The following ASAP2 variants were observed in gnomAD, a reference collection of about 807,000 sequenced individuals.
The protein encoded by ASAP2 is arf-GAP with SH3 domain, ANK repeat and PH domain-containing protein 2.
Under a neutral mutation model 131.4 loss-of-function variants are expected in ASAP2, and 45 were observed. The ratio of observed to expected loss-of-function variants is 0.34; its 90% CI spans 0.27 to 0.44. The LOEUF (loss-of-function observed/expected upper bound fraction) is 0.44, where lower values mean the gene tolerates loss of function less well. Ranked by LOEUF, ASAP2 falls within the 20% of genes least tolerant of loss-of-function variation. ASAP2 has a pLI of 1.00. For synonymous variants in ASAP2, 510 were observed against 503.0 expected (o/e 1.01, Z -0.19); for missense variants, 1,011 against 1,297.0 (o/e 0.78, Z 3.39).
At chr2:9,372,450 C>T (rs1674054327) in intron 16 of ASAP2, among the ~76,000 whole-genome samples, 1 of 152,168 alleles carries the variant, frequency 6.6e-6, no homozygotes, top group South Asian at 2.1e-4. Context: ...TTCTGGAAAC[C>T]TGTGACTTTA....
chr2:9,317,418 TCACA>T (rs765777604), intron 3 of ASAP2, among the ~76,000 whole-genome samples: 5 of 121,866 alleles, frequency 4.1e-5, no homozygotes, highest in Non-Finnish European at 8.3e-5. Flanking sequence ...ACATGCTCCC[TCACA>T]CACCTACACA....
chr2:9,210,029 A>G (rs144841699), intron 1 of ASAP2, among the ~76,000 whole-genome samples: 12 of 152,340 alleles, frequency 7.9e-5, no homozygotes, highest in African/African-American at 2.9e-4. Flanking sequence ...ATCCTGTACT[A>G]TGAAACTCAC....
chr2:9,317,588 ACAAT>A (rs1669846896), intron 3 of ASAP2, among the ~76,000 whole-genome samples: 1 of 146,668 alleles, frequency 6.8e-6, no homozygotes, highest in Non-Finnish European at 1.5e-5. Flanking sequence ...ACACCCGTAC[ACAAT>A]CACATTCACG....
intron 1 of ASAP2, among the ~76,000 whole-genome samples, chr2:9,239,663 T>C (rs1367624586): frequency 6.6e-6 from 1 of 152,178 alleles, no homozygotes; most frequent in Non-Finnish European, 1.5e-5. Context: ...TTTGGACCCA[T>C]CTAAGGGGCA....
At position 9,389,295 on chromosome 2, in the gene ASAP2, C is replaced by T. The variant is rs1303847483; in HGVS notation, c.2383+749C>T. On this transcript the variant is annotated intron_variant, in intron 22 of 27. Coordinates refer to ENST00000281419, the MANE Select transcript of ASAP2 (RefSeq NM_003887.3). This position sits in a 1 kb window ranked among gnomAD's most constrained non-coding sequence, Gnocchi z 4.7. ...GCCATGGCCTTCAGAGGGTTTCCCA[C>T]ATGAAGGAGGCTGCTGAGACTTTGA... Among the ~76,000 whole-genome samples, 1 of 152,098 alleles carries T rather than the reference C, an allele frequency of 6.6e-6. No homozygotes were observed. Among genetic ancestry groups the T allele is most frequent in the Admixed American group, 6.5e-5 (1 of 15,272 alleles).
chr2:9,403,465 TCA>T lies in ASAP2; in HGVS notation c.*139_*140del. On this transcript the variant is annotated 3_prime_UTR_variant, in exon 28 of 28. Transcript: ENST00000281419. Reference sequence around the variant, plus strand: ...AATGCCACTGCTCTGTTTTAAAAACTCAGAGGCAATTTTTACATATCAGTAAT... The same window carrying T: ...AATGCCACTGCTCTGTTTTAAAAACTGAGGCAATTTTTACATATCAGTAAT... 1 of 696,916 alleles carries T rather than the reference TCA, an allele frequency of 1.4e-6. No individual in the cohort carries two copies. Among genetic ancestry groups the T allele is most frequent in the Non-Finnish European group, 2.3e-6 (1 of 433,044 alleles). 43.2% of individuals were successfully genotyped at this position (696,916 alleles called of 1,614,324 possible).
rs1000294609 is a variant in ASAP2 at position 9,387,078 on chromosome 2, T to TG, written c.2131-1209dup. 3.2e-4 allele frequency among the ~76,000 whole-genome samples: 46 copies of TG among 142,052 alleles called. 2 individuals are homozygous for TG. Among genetic ancestry groups the TG allele is most frequent in the East Asian group, 1.2e-3 (6 of 4,878 alleles). 93.2% of individuals were successfully genotyped at this position (142,052 alleles called of 152,430 possible). ...AAAATTAGCCGGGCTTGGTGGTGGG[T>TG]GGGGGGGCGCCTGTAGTCCCAGCTA... On this transcript the variant is annotated intron_variant, in intron 21 of 27. Coordinates refer to ENST00000281419, the MANE Select transcript of ASAP2 (RefSeq NM_003887.3).
chr2:9,360,675 T>C lies in ASAP2; in HGVS notation c.1461+1786T>C, dbSNP rs375082691. ...ATGTGAAGTTGGAAAAAGATGTTCATTATATAGTACATTCACTATGCAAAC... is the reference window on the plus strand; with the variant it reads ...ATGTGAAGTTGGAAAAAGATGTTCACTATATAGTACATTCACTATGCAAAC... On this transcript the variant is annotated intron_variant, in intron 15 of 27. Transcript: ENST00000281419. Among the ~76,000 whole-genome samples the C allele has an allele frequency of 1.2e-3, 189 of 152,338 alleles. 3 individuals carry two copies. Among genetic ancestry groups the C allele is most frequent in the African/African-American group, 4.4e-3 (182 of 41,578 alleles).
intron 1 of ASAP2, among the ~76,000 whole-genome samples, chr2:9,269,329 C>G (rs1370909730): frequency 6.6e-6 from 1 of 152,094 alleles, no homozygotes; most frequent in African/African-American, 2.4e-5. Flanking sequence ...CCTGTCCTTG[C>G]ATTCATTGGA....
intron 1 of ASAP2, among the ~76,000 whole-genome samples, chr2:9,210,494 A>G (rs566740340): frequency 2.6e-5 from 4 of 152,186 alleles, no homozygotes; most frequent in African/African-American, 4.8e-5. Flanking sequence ...GGGAAGTGTC[A>G]GGGAAATGGA....
At chr2:9,336,095 G>A (rs575353084) in intron 9 of ASAP2, 6 of 152,258 alleles carry the variant, frequency 3.9e-5, no homozygotes, top group African/African-American at 1.2e-4. Context: ...TGTTTTATTC[G>A]TGAACATACA....
At chr2:9,239,026 C>T (rs1663755697) in intron 1 of ASAP2, among the ~76,000 whole-genome samples, 1 of 152,158 alleles carries the variant, frequency 6.6e-6, no homozygotes, top group Non-Finnish European at 1.5e-5. Flanking sequence ...TCCCTCCCAG[C>T]CCCTCTCTGT....
Position 9,229,297 on chromosome 2 carries a change from C to T in ASAP2, c.126+22067C>T, listed in dbSNP as rs900614511. Among the ~76,000 whole-genome samples, 45 of 152,118 alleles carry T rather than the reference C, an allele frequency of 3.0e-4. 1 individual carries two copies. The highest frequency in any genetic ancestry group is 1.1e-3 in the African/African-American group (45 of 41,436). ...TCGCAGTTGCCCTGGGGATGCTGAC[C>T]CCTGGACTGGACTTTGCTCAGTGGT... is the stretch of plus-strand genomic sequence containing the variant. On this transcript the variant is annotated intron_variant, in intron 1 of 27. Transcript: ENST00000281419.
At position 9,293,700 on chromosome 2, in the gene ASAP2, C is replaced by T. The variant is rs112496540; in HGVS notation, c.200-3600C>T. ...GGATGGCTGTTGTCGTGGTGGGCAC[C>T]GTGCTAGGTGTTAGAGGAAGACACG... On this transcript the variant is annotated intron_variant, in intron 2 of 27. Transcript: ENST00000281419. Among the ~76,000 whole-genome samples the T allele has an allele frequency of 5.5e-3, 836 of 152,166 alleles. 8 individuals are homozygous for T. The highest frequency in any genetic ancestry group is 0.015 in the African/African-American group (615 of 41,514).
intron 1 of ASAP2, among the ~76,000 whole-genome samples, chr2:9,257,215 G>A (rs546722539): frequency 6.6e-6 from 1 of 152,328 alleles, no homozygotes; most frequent in Middle Eastern, 3.4e-3. Context: ...TCCTGAAGGA[G>A]TGACAGTTTG....
intron 7 of ASAP2, among the ~76,000 whole-genome samples, chr2:9,329,015 A>G (rs1670661070): frequency 6.6e-6 from 1 of 152,234 alleles, no homozygotes; most frequent in South Asian, 2.1e-4. Context: ...GCCAGCACAC[A>G]GTGCCCGGAA....
In ASAP2 at chr2:9,347,957, A is replaced by T. The variant is rs56664264; in HGVS notation, c.1024-2851A>T. Among the ~76,000 whole-genome samples the T allele has an allele frequency of 3.6e-3, 553 of 152,366 alleles. 4 individuals are homozygous for T. Among genetic ancestry groups the T allele is most frequent in the African/African-American group, 0.012 (508 of 41,588 alleles). On this transcript the variant is annotated intron_variant, in intron 11 of 27. Transcript: ENST00000281419. The stretch of plus-strand genomic sequence containing the variant: ...AGAATCACTGATAATCTCTGCCTGC[A>T]TGGCAAACTCTAAAGCTGTTGCATC...
At chr2:9,271,415 C>T (rs1001081039) in intron 1 of ASAP2, 33 of 1,429,152 alleles carry the variant, frequency 2.3e-5, no homozygotes, top group Non-Finnish European at 3.0e-5. Flanking sequence ...TGCTCAATTA[C>T]AGTACCATTG....
chr2:9,246,462 AAC>A (rs1216820360), intron 1 of ASAP2, among the ~76,000 whole-genome samples: 1 of 151,912 alleles, frequency 6.6e-6, no homozygotes, highest in African/African-American at 2.4e-5. Context: ...AATTTTTTAA[AAC>A]AATTTTTTGT....
Sources: allele counts gnomAD v4.1 joint callset (sites outside exome capture counted in the v4.1 genomes callset), GRCh38; gene constraint gnomAD v4.1.1; non-coding constraint Gnocchi (gnomAD v3.1); transcripts MANE v1.5; gene names NCBI Gene and HGNC (gene_info 2026-07-23, HGNC 2026-07-21).